Variants in VIL1 observed in about 807,000 individuals in gnomAD.
VIL1 encodes villin-1.
A neutral mutation model predicts 104.0 loss-of-function variants in VIL1; 86 were observed. The ratio of observed to expected loss-of-function variants is 0.83; its 90% CI spans 0.69 to 0.99. The LOEUF is 0.99. Among genes scored for constraint, VIL1 ranks in the 50% least tolerant of loss-of-function variants. The probability of loss-of-function intolerance (pLI) is 0.00; values close to 1 mark genes in which losing one functional copy is unlikely to be tolerated. For synonymous variants in VIL1, 394 were observed against 412.6 expected (o/e 0.95, Z 0.55); for missense variants, 944 against 1,054.1 (o/e 0.90, Z 1.45).
At chr2:218,444,628 G>T (rs539210467) in intron 19 of VIL1, among the ~76,000 whole-genome samples, 36 of 152,328 alleles carry the variant, frequency 2.4e-4, no homozygotes, top group African/African-American at 8.2e-4. Context: ...TCTTGTGGGA[G>T]AGCTGAGTTC....
chr2:218,423,310 A>G (rs943088980), intron 1 of VIL1, among the ~76,000 whole-genome samples: 1 of 152,150 alleles, frequency 6.6e-6, no homozygotes, highest in South Asian at 2.1e-4. Flanking sequence ...TAGGAGAATC[A>G]CTTGAACCTG....
At chr2:218,424,099 C>G (rs1043549738) in intron 2 of VIL1, among the ~76,000 whole-genome samples, 178 bp from the exon 3 acceptor site, 1 of 152,096 alleles carries the variant, frequency 6.6e-6, no homozygotes, top group Admixed American at 6.6e-5. Context: ...CTTCCTTTCC[C>G]TCCATTGATT....
At chr2:218,428,205 T>C in intron 5 of VIL1, 22 bp from the exon 6 acceptor site, 2 of 1,612,014 alleles carry the variant, frequency 1.2e-6, no homozygotes, top group Non-Finnish European at 1.7e-6. Context: ...GTGGGGTCTG[T>C]GCCTCCCCTG....
At chr2:218,436,977 G>A (rs1689202396) in intron 16 of VIL1, 147 bp from the exon 17 acceptor site, 3 of 945,076 alleles carry the variant, frequency 3.2e-6, no homozygotes, top group Non-Finnish European at 4.8e-6. Flanking sequence ...ACAAATTCAA[G>A]GCCAGATGAT....
intron 9 of VIL1, among the ~76,000 whole-genome samples, chr2:218,430,470 T>C (rs1286326728): frequency 6.6e-6 from 1 of 151,986 alleles, no homozygotes; most frequent in Admixed American, 6.6e-5. Flanking sequence ...TGTGTTTCGG[T>C]ATTAGATTTG....
At chr2:218,428,467 G>A in intron 6 of VIL1, 130 bp downstream of exon 6, 2 of 754,112 alleles carry the variant, frequency 2.7e-6, no homozygotes, top group Non-Finnish European at 4.6e-6. Flanking sequence ...CCATGTGTTT[G>A]GTGCAGGCAT....
chr2:218,427,603 G>T (rs1480744375), intron 4 of VIL1, among the ~76,000 whole-genome samples: 3 of 152,112 alleles, frequency 2.0e-5, no homozygotes, highest in Admixed American at 2.0e-4. Context: ...TGGGATTATA[G>T]GTGTGAGTCA....
intron 10 of VIL1, 118 bp from the exon 11 acceptor site, chr2:218,431,739 G>T (rs1689101593): frequency 2.0e-5 from 17 of 830,990 alleles, no homozygotes; most frequent in Middle Eastern, 4.5e-4. Context: ...AATCTCTCTT[G>T]CCTCGGTTTC....
At position 218,452,144 on chromosome 2, in the gene VIL1, G is replaced by C. The variant is rs1290513319; in HGVS notation, c.*2808G>C. The stretch of plus-strand genomic sequence containing the variant: ...ATTTTTCCCTTAAAATTCCAACAAA[G>C]ATCAAAAGGTTGTATCTAGAACTAA... On this transcript the variant is annotated 3_prime_UTR_variant, in exon 20 of 20. Transcript: ENST00000248444. The C allele has an allele frequency of 6.6e-6, 1 of 152,132 alleles. No individual in the cohort carries two copies. Among genetic ancestry groups the C allele is most frequent in the Non-Finnish European group, 1.5e-5 (1 of 68,006 alleles). The allele number at this position is 152,132 out of a possible 1,614,324, so 9.4% of individuals were successfully genotyped here. A position where few individuals can be genotyped will look rare whatever the true frequency, so the allele number is the denominator to read the frequency against.
chr2:218,425,906 G>A (rs560868844), intron 4 of VIL1, 95 bp downstream of exon 4: 1 of 1,341,870 alleles, frequency 7.5e-7, no homozygotes, highest in South Asian at 1.4e-5. Context: ...ACCCAGACCT[G>A]TTCAGGCCTG....
intron 6 of VIL1, 72 bp from the exon 7 acceptor site, chr2:218,429,213 C>A: frequency 6.6e-7 from 1 of 1,526,566 alleles, no homozygotes; most frequent in Non-Finnish European, 8.9e-7. Context: ...GCTTGCCTGG[C>A]AGGGTGTAGG....
rs766443057 is a variant in VIL1, at chr2:218,431,868, C to T, written c.1114C>T (p.Gln372Ter). The change falls in exon 11 of 20, where the codon CAG becomes TAG. Residue 372 changes from glutamine (Q) to a stop codon, truncating the protein, a stop_gained. Coordinates refer to ENST00000248444, the MANE Select transcript of VIL1 (RefSeq NM_007127.3). LOFTEE classifies it high-confidence loss of function. ...HTVGSVAKVE[Q>*]VKFDATSMHV... Reference sequence around the variant, plus strand: ...TTCCCCCACTCTAGCCAAAGTGGAACAGGTGAAGTTCGATGCCACATCCAT... The same window carrying T: ...TTCCCCCACTCTAGCCAAAGTGGAATAGGTGAAGTTCGATGCCACATCCAT... The T allele has an allele frequency of 1.9e-6, 3 of 1,613,488 alleles. No individual in the cohort carries two copies. Among genetic ancestry groups the T allele is most frequent in the South Asian group, 1.1e-5 (1 of 90,876 alleles).
chr2:218,429,897 G>A lies in VIL1; in HGVS notation c.898G>A (p.Gly300Arg), dbSNP rs201092494. Residue 300 changes from glycine (G) to arginine (R), a missense_variant, in exon 9 of 20, where the codon GGG (glycine) becomes AGG (arginine). Coordinates refer to ENST00000248444, the MANE Select transcript of VIL1 (RefSeq NM_007127.3). ...GGGCCTGAAGATCTACGTGTGGAAA[G>A]GGAAGAAAGCCAATGAGCAGGAGAA... ...QGGLKIYVWKGKKANEQEKKG... is the reference protein window; with the variant it reads ...QGGLKIYVWKRKKANEQEKKG... 6.2e-7 allele frequency: 1 copy of A among 1,613,920 alleles called. No homozygotes were observed. Among genetic ancestry groups the A allele is most frequent in the Non-Finnish European group, 8.5e-7 (1 of 1,179,974 alleles).
chr2:218,442,842 TAA>T (rs762166383), intron 19 of VIL1, among the ~76,000 whole-genome samples: 1 of 152,198 alleles, frequency 6.6e-6, no homozygotes, highest in Non-Finnish European at 1.5e-5. Flanking sequence ...AATATTTATA[TAA>T]GTGTTTTGTT....
chr2:218,430,879 G>A lies in VIL1; in HGVS notation c.1102+1G>A, dbSNP rs1280057865. On this transcript the variant is annotated splice_donor_variant, in intron 10 of 19. Coordinates refer to ENST00000248444, the MANE Select transcript of VIL1 (RefSeq NM_007127.3). LOFTEE classifies it high-confidence loss of function. ...AAAACCCACACTGTGGGCTCCGTGG[G>A]TGAGGGCCAGGCGGGGGCAGTGAGG... is the stretch of plus-strand genomic sequence containing the variant. The A allele has an allele frequency of 1.2e-6, 2 of 1,611,908 alleles. No homozygotes were observed. The highest frequency in any genetic ancestry group is 1.7e-5 in the Admixed American group (1 of 59,492).
rs898194736 is a variant in VIL1 at position 218,433,049 on chromosome 2, G to T, written c.1500+98G>T. 4 of 1,449,688 alleles carry T rather than the reference G, an allele frequency of 2.8e-6. No homozygotes were observed. The African/African-American group carries it at 4.2e-5, about 15-fold the overall frequency. 89.8% of individuals were successfully genotyped at this position (1,449,688 alleles called of 1,614,324 possible). A position where few individuals can be genotyped will look rare whatever the true frequency, so the allele number is the denominator to read the frequency against. On this transcript the variant is annotated intron_variant, in intron 13 of 19. Transcript: ENST00000248444. ...GATGGGTGGTGGGAGCAGGGCTTGA[G>T]GTGAAGCCCATTCTTCATAGGAGAC...
At chr2:218,433,062 C>A in intron 13 of VIL1, 111 bp downstream of exon 13, 4 of 1,331,784 alleles carry the variant, frequency 3.0e-6, no homozygotes, top group East Asian at 4.7e-5. Flanking sequence ...GAAGCCCATT[C>A]TTCATAGGAG....
At position 218,452,936 on chromosome 2, in the gene VIL1, C is replaced by T. The variant is rs1241343614; in HGVS notation, c.*3600C>T. ...AAATCAAACCAAACCAAAGAGGCTC[C>T]TGGTAGAAATGAAACAAAACTTTAA... On this transcript the variant is annotated 3_prime_UTR_variant, in exon 20 of 20. Transcript: ENST00000248444. 2 of 152,162 alleles carry T rather than the reference C, an allele frequency of 1.3e-5. No homozygotes were observed. The highest frequency in any genetic ancestry group is 4.8e-5 in the African/African-American group (2 of 41,440). The allele number at this position is 152,162 out of a possible 1,614,324, so 9.4% of individuals were successfully genotyped here.
intron 1 of VIL1, among the ~76,000 whole-genome samples, chr2:218,420,301 C>T (rs560169856): frequency 9.2e-5 from 14 of 151,728 alleles, no homozygotes; most frequent in Non-Finnish European, 1.3e-4. Flanking sequence ...TGCTCGCGCA[C>T]GCCTATAGTC....
Sources: gnomAD v4.1 joint callset for allele counts (sites outside exome capture counted in the v4.1 genomes callset) on GRCh38, gnomAD v4.1.1 for gene constraint, MANE v1.5 for transcripts, NCBI Gene and HGNC (gene_info 2026-07-23, HGNC 2026-07-21) for gene names.